Variants in RANBP9 observed in about 807,000 individuals in gnomAD.
RANBP9 encodes the protein ran-binding protein 9.
RANBP9 carries 15 observed loss-of-function variants against 84.3 expected under a neutral mutation model. The observed-to-expected ratio is 0.18, with a 90% CI of 0.12 to 0.27. The LOEUF is 0.27. Ranked by LOEUF, RANBP9 falls within the 10% of genes least tolerant of loss-of-function variation. The probability of loss-of-function intolerance (pLI) is 1.00; values close to 1 mark genes in which losing one functional copy is unlikely to be tolerated. For synonymous variants in RANBP9, 392 were observed against 349.6 expected, an observed-to-expected ratio of 1.12 and a Z score of -1.35; for missense variants, 809 against 912.8, an observed-to-expected ratio of 0.89 and a Z score of 1.46.
chr6:13,689,004 A>AAAAAAAAAAAAAAAAAAAAAAG (rs374538732), intron 2 of RANBP9, among the ~76,000 whole-genome samples: 1 of 108,996 alleles, frequency 9.2e-6, no homozygotes, highest in African/African-American at 3.6e-5. Context: ...AAAAAAAAAA[A>AAAAAAAAAAAAAAAAAAAAAAG]TGCTGGGCAT....
intron 2 of RANBP9, among the ~76,000 whole-genome samples, chr6:13,677,244 C>T (rs530368163): frequency 1.3e-5 from 2 of 152,204 alleles, no homozygotes; most frequent in South Asian, 4.2e-4. Context: ...CACAATACCA[C>T]TTATATTAGC....
chr6:13,695,165 C>T (rs4712077), intron 2 of RANBP9, among the ~76,000 whole-genome samples: 3 of 152,060 alleles, frequency 2.0e-5, no homozygotes, highest in Non-Finnish European at 4.4e-5. Context: ...CAACAGATAT[C>T]TCAAAAAACG....
chr6:13,676,863 T>A (rs989900862), intron 2 of RANBP9, among the ~76,000 whole-genome samples: 8 of 152,118 alleles, frequency 5.3e-5, no homozygotes, highest in Admixed American at 4.6e-4. Flanking sequence ...GGGAGCTTCC[T>A]CAACTTAATA....
rs1584926853 is a variant in RANBP9 at position 13,657,368 on chromosome 6, C to A, written c.737-92G>T. The A allele has an allele frequency of 8.1e-6, 8 of 989,766 alleles. No individual in the cohort carries two copies. The South Asian group carries it at 1.3e-4, about 16-fold the overall frequency. The allele number at this position is 989,766 out of a possible 1,614,324, so 61.3% of individuals were successfully genotyped here. A position where few individuals can be genotyped will look rare whatever the true frequency, so the allele number is the denominator to read the frequency against. ...AAGATTATGATAAATCAGAACAGTA[C>A]AAGATAATATAAAGATGAAATTCCC... On this transcript the variant is annotated intron_variant, in intron 3 of 13. Coordinates refer to ENST00000011619, the MANE Select transcript of RANBP9 (RefSeq NM_005493.3).
At chr6:13,637,713 G>C in intron 10 of RANBP9, 95 bp downstream of exon 10, 1 of 1,278,102 alleles carries the variant, frequency 7.8e-7, no homozygotes, top group East Asian at 2.5e-5. Flanking sequence ...GCCCCTCTGT[G>C]GGTCACATAA....
chr6:13,686,985 A>G (rs1458694319), intron 2 of RANBP9, among the ~76,000 whole-genome samples: 3 of 152,218 alleles, frequency 2.0e-5, no homozygotes, highest in African/African-American at 4.8e-5. Flanking sequence ...TTCTCTGACC[A>G]TTCTTTTATA....
intron 6 of RANBP9, among the ~76,000 whole-genome samples, chr6:13,643,952 A>T (rs1318191316): frequency 6.6e-6 from 1 of 152,192 alleles, no homozygotes; most frequent in Non-Finnish European, 1.5e-5. Context: ...ATTCAAAGCA[A>T]TTATAAGGAC....
rs550916042 is a variant in RANBP9, at chr6:13,676,121, C to T, written c.684-17289G>A. ...ATGATACCCAAGAGTAGAAAGCACA[C>T]CCATAATAAATCTATTAAATAAAAT... On this transcript the variant is annotated intron_variant, in intron 2 of 13. Transcript: ENST00000011619. Among the ~76,000 whole-genome samples the T allele has an allele frequency of 3.9e-5, 6 of 152,098 alleles. No individual in the cohort carries two copies. The East Asian group carries it at 1.2e-3, about 29-fold the overall frequency.
chr6:13,661,406 T>C (rs1389739710), intron 2 of RANBP9, among the ~76,000 whole-genome samples: 1 of 150,344 alleles, frequency 6.7e-6, no homozygotes, highest in Non-Finnish European at 1.5e-5. Flanking sequence ...TGAAGAAAAA[T>C]GTTAAACTTC....
chr6:13,633,950 T>G (rs1244724130), intron 11 of RANBP9, among the ~76,000 whole-genome samples: 1 of 170 alleles, frequency 5.9e-3, no homozygotes, highest in Non-Finnish European at 0.014. Flanking sequence ...GTGGTGGGGT[T>G]TTTTTTTTTG....
intron 1 of RANBP9, among the ~76,000 whole-genome samples, chr6:13,707,725 G>A (rs954642269): frequency 1.4e-4 from 22 of 152,132 alleles, no homozygotes; most frequent in Non-Finnish European, 2.5e-4. Context: ...TATATATAAA[G>A]CACTCTATAA....
In RANBP9 at chr6:13,671,720, A is replaced by G. The variant is rs1584934459; in HGVS notation, c.684-12888T>C. Among the ~76,000 whole-genome samples, 3 of 152,194 alleles carry G rather than the reference A, an allele frequency of 2.0e-5. No individual in the cohort carries two copies. The East Asian group carries it at 5.8e-4, about 29-fold the overall frequency. Reference sequence around the variant, plus strand: ...GTAAGGGTTGCATAACTCTGTGAATATAGTAAAAATTACCAAATTGTGCAT... The same window carrying G: ...GTAAGGGTTGCATAACTCTGTGAATGTAGTAAAAATTACCAAATTGTGCAT... On this transcript the variant is annotated intron_variant, in intron 2 of 13. Transcript: ENST00000011619.
chr6:13,705,590 G>A (rs764572401), intron 1 of RANBP9, among the ~76,000 whole-genome samples: 37 of 151,400 alleles, frequency 2.4e-4, no homozygotes, highest in Non-Finnish European at 4.1e-4. Context: ...GGCCGGGCGC[G>A]GTGGCTCACG....
intron 1 of RANBP9, among the ~76,000 whole-genome samples, chr6:13,702,621 T>C (rs1293661239): frequency 6.6e-6 from 1 of 152,170 alleles, no homozygotes; most frequent in Non-Finnish European, 1.5e-5. Flanking sequence ...AAGGAATTTT[T>C]AAGGATAATT....
intron 10 of RANBP9, among the ~76,000 whole-genome samples, chr6:13,635,252 C>G (rs993290173): frequency 2.6e-5 from 4 of 152,166 alleles, no homozygotes; most frequent in Non-Finnish European, 5.9e-5. Context: ...CCAGTTTTCA[C>G]TCATTCCACT....
intron 1 of RANBP9, among the ~76,000 whole-genome samples, chr6:13,710,657 G>A (rs1324824482): frequency 1.3e-5 from 2 of 152,288 alleles, no homozygotes; most frequent in East Asian, 1.9e-4. Flanking sequence ...CTGTCATCCC[G>A]GATTCCCTCA....
Position 13,644,723 on chromosome 6 carries a change from A to G in RANBP9, c.934T>C (p.Leu312=). The G allele has an allele frequency of 6.3e-7, 1 of 1,593,626 alleles. No homozygotes were observed. Among genetic ancestry groups the G allele is most frequent in the Non-Finnish European group, 8.5e-7 (1 of 1,171,648 alleles). The part of the protein sequence containing the change: ...GIAFTDLPPN[L]YPTVGLQTPG... ...GTTTGAAGCCCCACAGTAGGATACA[A>G]ATTTGGCTGTAAGATAGCATATTTC... is the stretch of plus-strand genomic sequence containing the variant. Residue 312 remains leucine (L), a synonymous_variant, in exon 6 of 14, where the codon TTG becomes CTG. Coordinates refer to ENST00000011619, the MANE Select transcript of RANBP9 (RefSeq NM_005493.3).
At chr6:13,701,844 T>A (rs925323038) in intron 1 of RANBP9, among the ~76,000 whole-genome samples, 1 of 152,030 alleles carries the variant, frequency 6.6e-6, no homozygotes, top group Non-Finnish European at 1.5e-5. Flanking sequence ...CACTCTTTTA[T>A]TACAAAGTGA....
chr6:13,632,036 T>C (rs1039691101), intron 12 of RANBP9, among the ~76,000 whole-genome samples: 8 of 151,802 alleles, frequency 5.3e-5, no homozygotes, highest in Non-Finnish European at 1.0e-4. Context: ...AACTGCTGAT[T>C]TTACAGCTGA....
Sources: gnomAD v4.1 joint callset for allele counts (sites outside exome capture counted in the v4.1 genomes callset) on GRCh38, gnomAD v4.1.1 for gene constraint, MANE v1.5 for transcripts, NCBI Gene and HGNC (gene_info 2026-07-23, HGNC 2026-07-21) for gene names.